DSCAM: variants seen among roughly 807,000 people sequenced by gnomAD.
DSCAM encodes the protein DS cell adhesion molecule.
In DSCAM, 47 loss-of-function variants were observed where a neutral mutation model predicts 217.7. That is an observed-to-expected ratio of 0.22 (90% CI 0.17 to 0.28). The LOEUF (loss-of-function observed/expected upper bound fraction) is 0.28, where lower values mean the gene tolerates loss of function less well. Among genes scored for constraint, DSCAM ranks in the 10% least tolerant of loss-of-function variants. DSCAM has a pLI of 1.00. For synonymous variants in DSCAM, 1,056 were observed against 1,015.3 expected (o/e 1.04, Z -0.76); for missense variants, 2,080 against 2,618.3 (o/e 0.79, Z 4.49).
At chr21:40,446,119 A>G (rs141107731) in intron 3 of DSCAM, among the ~76,000 whole-genome samples, 152 of 152,356 alleles carry the variant, frequency 1.0e-3, no homozygotes, top group African/African-American at 3.4e-3. Flanking sequence ...GACATCAAGA[A>G]GTGATGTCAA....
At chr21:40,263,034 T>C (rs540591431) in intron 11 of DSCAM, among the ~76,000 whole-genome samples, 37 of 152,294 alleles carry the variant, frequency 2.4e-4, no homozygotes, top group African/African-American at 8.9e-4. Context: ...GCTATACAAA[T>C]AAAAGAGAAA....
chr21:40,017,586 A>G (rs1601228804), intron 32 of DSCAM, among the ~76,000 whole-genome samples: 2 of 148,820 alleles, frequency 1.3e-5, no homozygotes. Context: ...TTTGAGATGG[A>G]GTTTTGCTCT....
At chr21:40,512,395 C>T (rs2076266503) in intron 3 of DSCAM, among the ~76,000 whole-genome samples, 1 of 152,148 alleles carries the variant, frequency 6.6e-6, no homozygotes, top group Admixed American at 6.5e-5. Flanking sequence ...TCTATTACTT[C>T]ACGTCATTGG....
At chr21:40,666,769 A>G (rs1055965237) in intron 3 of DSCAM, among the ~76,000 whole-genome samples, 5 of 152,216 alleles carry the variant, frequency 3.3e-5, no homozygotes, top group African/African-American at 1.2e-4. Flanking sequence ...CAACAATGAC[A>G]TAAAAATGAA....
At chr21:40,720,884 G>C (rs2090893978) in intron 1 of DSCAM, among the ~76,000 whole-genome samples, 1 of 152,192 alleles carries the variant, frequency 6.6e-6, no homozygotes, top group East Asian at 1.9e-4. Flanking sequence ...TAGAGAGGGA[G>C]CTCCAGAGAG....
At chr21:40,567,995 T>C (rs1317308614) in intron 3 of DSCAM, among the ~76,000 whole-genome samples, 2 of 152,162 alleles carry the variant, frequency 1.3e-5, no homozygotes, top group African/African-American at 4.8e-5. Context: ...AGGAGTGCAG[T>C]GGCGCGATCT....
intron 20 of DSCAM, among the ~76,000 whole-genome samples, chr21:40,106,286 G>A (rs1238542432): frequency 1.3e-5 from 2 of 152,206 alleles, no homozygotes; most frequent in African/African-American, 4.8e-5. Flanking sequence ...TGGAGAAAAT[G>A]TGAGGTACAA....
chr21:40,638,581 A>G (rs1429251146), intron 3 of DSCAM, among the ~76,000 whole-genome samples: 6 of 152,174 alleles, frequency 3.9e-5, no homozygotes, highest in Non-Finnish European at 5.9e-5. Context: ...GTTAATTCAG[A>G]TCGTTTCCTC....
chr21:40,094,934 G>C (rs562728104), intron 20 of DSCAM, among the ~76,000 whole-genome samples: 7 of 152,284 alleles, frequency 4.6e-5, no homozygotes, highest in Admixed American at 1.3e-4. Flanking sequence ...CCAAATATGT[G>C]TCACCTGATG....
At chr21:40,532,651 G>C (rs969193257) in intron 3 of DSCAM, among the ~76,000 whole-genome samples, 30 of 152,126 alleles carry the variant, frequency 2.0e-4, no homozygotes, top group African/African-American at 7.0e-4. Context: ...TGGGTGATGG[G>C]GGCATGCTGC....
intron 19 of DSCAM, among the ~76,000 whole-genome samples, chr21:40,129,950 G>T (rs568988020): frequency 1.4e-3 from 218 of 152,314 alleles, no homozygotes; most frequent in Non-Finnish European, 2.2e-3. Flanking sequence ...TCTACTTTCA[G>T]ATCTCCTCCC....
chr21:40,705,665 C>T (rs951973830), intron 2 of DSCAM, among the ~76,000 whole-genome samples: 1 of 152,162 alleles, frequency 6.6e-6, no homozygotes, highest in African/African-American at 2.4e-5. Context: ...CTCACGAGAA[C>T]AGAATGGGGG....
Position 40,387,456 on chromosome 21 carries a change from C to T in DSCAM, c.509-18211G>A, listed in dbSNP as rs192636580. The stretch of plus-strand genomic sequence containing the variant: ...ATGTCTAACCATAGTACTGGCCTTG[C>T]TCTGGTTTGGGATTTGTAGTCTCAC... On this transcript the variant is annotated intron_variant, in intron 3 of 32. Transcript: ENST00000400454. Among the ~76,000 whole-genome samples, 484 of 152,162 alleles carry T rather than the reference C, an allele frequency of 3.2e-3. 4 individuals carry two copies. The highest frequency in any genetic ancestry group is 0.011 in the African/African-American group (449 of 41,524).
At chr21:40,524,665 CT>C (rs897792771) in intron 3 of DSCAM, among the ~76,000 whole-genome samples, 12 of 152,126 alleles carry the variant, frequency 7.9e-5, no homozygotes, top group African/African-American at 2.7e-4. Context: ...TCAGGGAAAA[CT>C]TTTTTTAAAA....
rs763185643 is a variant in DSCAM at position 40,368,541 on chromosome 21, CA to C, written c.655+557del. ...AATCCCAACAGTACATTATCAAGGACAAAAAGTGGGTGCTCAGGCAGTGATG... is the reference window on the plus strand; with the variant it reads ...AATCCCAACAGTACATTATCAAGGACAAAAGTGGGTGCTCAGGCAGTGATG... On this transcript the variant is annotated intron_variant, in intron 4 of 32. Transcript: ENST00000400454. Among the ~76,000 whole-genome samples the C allele has an allele frequency of 5.3e-5, 8 of 152,164 alleles. 1 individual carries two copies. The highest frequency in any genetic ancestry group is 1.3e-4 in the Admixed American group (2 of 15,276).
chr21:40,303,107 T>A (rs2074034368), intron 9 of DSCAM, among the ~76,000 whole-genome samples: 1 of 152,110 alleles, frequency 6.6e-6, no homozygotes, highest in African/African-American at 2.4e-5. Context: ...ATACCACCAT[T>A]CTCTACTTGG....
intron 18 of DSCAM, among the ~76,000 whole-genome samples, chr21:40,139,019 T>C (rs530596706): frequency 6.9e-6 from 1 of 145,758 alleles, no homozygotes; most frequent in East Asian, 2.1e-4. Context: ...GTGTGGTGTG[T>C]GTGTAGTGTG....
chr21:40,077,868 G>GT (rs1194892193), intron 26 of DSCAM, among the ~76,000 whole-genome samples: 2 of 152,184 alleles, frequency 1.3e-5, no homozygotes, highest in Non-Finnish European at 2.9e-5. Context: ...CATTGCTGCC[G>GT]TTTTTACCTT....
intron 3 of DSCAM, among the ~76,000 whole-genome samples, chr21:40,645,456 T>C (rs2089934732): frequency 6.6e-6 from 1 of 152,110 alleles, no homozygotes; most frequent in Non-Finnish European, 1.5e-5. Flanking sequence ...TAGGGTAAAA[T>C]AGTGAAAATT....
Sources: gnomAD v4.1 joint callset for allele counts (sites outside exome capture counted in the v4.1 genomes callset) on GRCh38, gnomAD v4.1.1 for gene constraint, MANE v1.5 for transcripts, NCBI Gene and HGNC (gene_info 2026-07-23, HGNC 2026-07-21) for gene names.